The following SH2B3 variants were observed in gnomAD, a reference collection of about 807,000 sequenced individuals.
The protein encoded by SH2B3 is SH2B adaptor protein 3.
Under a neutral mutation model 51.9 loss-of-function variants are expected in SH2B3, and 43 were observed. That is an observed-to-expected ratio of 0.83 (90% CI 0.65 to 1.07). The LOEUF is 1.07. SH2B3 is among the 50% of genes least tolerant of loss of function. The pLI, the probability that SH2B3 is intolerant of heterozygous loss-of-function variation, is 0.00. For missense variants in SH2B3, 952 were observed against 834.3 expected (o/e 1.14, Z -1.74); for synonymous variants, 396 against 376.0 (o/e 1.05, Z -0.62).
rs1272421561 is a variant in SH2B3 at position 111,435,557 on chromosome 12, C to T, written c.733-11196C>T. ...AATTTTTAGTAGAGGCAGGGTTTCA[C>T]CATGTTGGCCAGGCTGGTCTCGAAC... On this transcript the variant is annotated intron_variant, in intron 2 of 7. Coordinates refer to ENST00000341259, the MANE Select transcript of SH2B3 (RefSeq NM_005475.3). This position sits in a 1 kb window ranked among gnomAD's most constrained non-coding sequence, Gnocchi z 4.8. Among the ~76,000 whole-genome samples, 2 of 152,202 alleles carry T rather than the reference C, an allele frequency of 1.3e-5. No individual in the cohort carries two copies. Among genetic ancestry groups the T allele is most frequent in the African/African-American group, 4.8e-5 (2 of 41,456 alleles).
Position 111,429,674 on chromosome 12 carries a change from C to T in SH2B3, c.732+10797C>T, listed in dbSNP as rs1379543622. Among the ~76,000 whole-genome samples, 3 of 152,288 alleles carry T rather than the reference C, an allele frequency of 2.0e-5. No homozygotes were observed. The highest frequency in any genetic ancestry group is 1.9e-4 in the East Asian group (1 of 5,174). On this transcript the variant is annotated intron_variant, in intron 2 of 7. Transcript: ENST00000341259. This position sits in a 1 kb window ranked among gnomAD's most constrained non-coding sequence, Gnocchi z 4.4. ...GTTTTCATGTGACAGGCACTGTGTC[C>T]GCCACATCCCATGGAATCCTTATCA...
intron 2 of SH2B3, among the ~76,000 whole-genome samples, chr12:111,441,936 ATTTT>A (rs111758346): frequency 3.4e-5 from 5 of 146,436 alleles, no homozygotes; most frequent in Admixed American, 2.7e-4. Flanking sequence ...AAGGCAAGGA[ATTTT>A]TTTTTTTTTA....
At chr12:111,411,081 C>A (rs1870659538) in intron 1 of SH2B3, among the ~76,000 whole-genome samples, 1 of 151,932 alleles carries the variant, frequency 6.6e-6, no homozygotes, top group Non-Finnish European at 1.5e-5. Flanking sequence ...GAAATCTTCC[C>A]CAGGCTGGGA....
intron 1 of SH2B3, among the ~76,000 whole-genome samples, chr12:111,408,441 T>G (rs1011226462): frequency 2.1e-5 from 3 of 145,582 alleles, no homozygotes; most frequent in Middle Eastern, 3.5e-3. Context: ...CTGGGCCTGA[T>G]CCTCCTTCTC....
intron 1 of SH2B3, among the ~76,000 whole-genome samples, chr12:111,415,488 G>A (rs1240631806): frequency 2.0e-5 from 3 of 152,162 alleles, no homozygotes; most frequent in Non-Finnish European, 4.4e-5. Flanking sequence ...AGATGGGCAG[G>A]CAAAGGTCTG....
intron 2 of SH2B3, among the ~76,000 whole-genome samples, chr12:111,428,190 C>T (rs558333713): frequency 2.6e-5 from 4 of 152,352 alleles, no homozygotes; most frequent in East Asian, 3.9e-4. Flanking sequence ...GGCTGGCCAG[C>T]GCCCCTCACC....
At chr12:111,430,864 C>T (rs1218783819) in intron 2 of SH2B3, among the ~76,000 whole-genome samples, 2 of 152,158 alleles carry the variant, frequency 1.3e-5, no homozygotes, top group East Asian at 3.9e-4. Context: ...ACAGGTGGGT[C>T]CCCAGGGTCC....
rs1354034877 is a variant in SH2B3 at position 111,429,155 on chromosome 12, C to T, written c.732+10278C>T. 1.3e-5 allele frequency among the ~76,000 whole-genome samples: 2 copies of T among 152,062 alleles called. No individual in the cohort carries two copies. Among genetic ancestry groups the T allele is most frequent in the Non-Finnish European group, 2.9e-5 (2 of 67,994 alleles). Reference sequence around the variant, plus strand: ...TGAGCCTGTGACCCGGGGGAAGGCACTTTGCCCTCCCTGTGCCTCAGTTTA... The same window carrying T: ...TGAGCCTGTGACCCGGGGGAAGGCATTTTGCCCTCCCTGTGCCTCAGTTTA... On this transcript the variant is annotated intron_variant, in intron 2 of 7. Coordinates refer to ENST00000341259, the MANE Select transcript of SH2B3 (RefSeq NM_005475.3). This position sits in a 1 kb window ranked among gnomAD's most constrained non-coding sequence, Gnocchi z 4.4.
In SH2B3 at chr12:111,409,256, A is replaced by G. The variant is rs889066776; in HGVS notation, c.-28+2979A>G. ...CTCTGAGCCACAGGTCTTTTTGTCT[A>G]TGAAATAGGGGGGTTGCCAACTCCC... On this transcript the variant is annotated intron_variant, in intron 1 of 7. Transcript: ENST00000341259. This position sits in a 1 kb window ranked among gnomAD's most constrained non-coding sequence, Gnocchi z 4.0. Among the ~76,000 whole-genome samples, 4 of 152,158 alleles carry G rather than the reference A, an allele frequency of 2.6e-5. No individual in the cohort carries two copies. Among genetic ancestry groups the G allele is most frequent in the Non-Finnish European group, 5.9e-5 (4 of 68,034 alleles).
At chr12:111,420,460 T>C (rs1388385248) in intron 2 of SH2B3, among the ~76,000 whole-genome samples, 1 of 150,570 alleles carries the variant, frequency 6.6e-6, no homozygotes, top group Non-Finnish European at 1.5e-5. Flanking sequence ...TGTGTTCTAC[T>C]CACCTGCCAG....
chr12:111,446,963 A>T lies in SH2B3; in HGVS notation c.856A>T (p.Ile286Phe). The T allele has an allele frequency of 6.2e-7, 1 of 1,613,978 alleles. No homozygotes were observed. Among genetic ancestry groups the T allele is most frequent in the Non-Finnish European group, 8.5e-7 (1 of 1,179,946 alleles). ...CCAGGTGAAGGACCGGACAGACATC[A>T]TCTTTGAGGTGGGAGACGAGCAGCA... ...VLKVKDRTDI[I>F]FEVGDEQQLN... Residue 286 changes from isoleucine (I) to phenylalanine (F), a missense_variant, in exon 4 of 8, where the codon ATC becomes TTC. Physicochemically the swap from Ile to Phe is conservative, Grantham distance 21 (BLOSUM62 0). Transcript: ENST00000341259.
At position 111,418,778 on chromosome 12, in the gene SH2B3, G is replaced by T; in HGVS notation, c.633G>T (p.Met211Ile). The T allele has an allele frequency of 6.8e-7, 1 of 1,473,014 alleles. No homozygotes were observed. Among genetic ancestry groups the T allele is most frequent in the Non-Finnish European group, 8.9e-7 (1 of 1,120,986 alleles). 91.2% of individuals were successfully genotyped at this position (1,473,014 alleles called of 1,614,324 possible). ...LRYSLADEAS[M>I]DSGARWQRGR... Reference sequence around the variant, plus strand: ...ACAGCCTGGCCGACGAGGCCTCCATGGACAGCGGGGCACGCTGGCAGCGCG... The same window carrying T: ...ACAGCCTGGCCGACGAGGCCTCCATTGACAGCGGGGCACGCTGGCAGCGCG... Residue 211 changes from methionine to isoleucine, a missense_variant, in exon 2 of 8, where the codon ATG becomes ATT. By Grantham distance (10) the Met-to-Ile change is conservative. Coordinates refer to ENST00000341259, the MANE Select transcript of SH2B3 (RefSeq NM_005475.3). The surrounding 1 kb of genome is among the most constrained non-coding windows in gnomAD (Gnocchi z 6.7).
intron 2 of SH2B3, among the ~76,000 whole-genome samples, chr12:111,423,271 C>T (rs1366127269): frequency 6.6e-6 from 1 of 151,978 alleles, no homozygotes; most frequent in Non-Finnish European, 1.5e-5. Flanking sequence ...ACGGTTTTCT[C>T]ATCATTTGTT....
At chr12:111,447,249 T>C (rs74163665) in intron 5 of SH2B3, 30 bp downstream of exon 5, 80 of 1,593,912 alleles carry the variant, frequency 5.0e-5, no homozygotes, top group Non-Finnish European at 6.1e-5. Flanking sequence ...GGCCATTGTC[T>C]TCTGGGTACG....
chr12:111,418,162 T>G lies in SH2B3; in HGVS notation c.17T>G (p.Leu6Arg). MNGPA[L>R]QPSSPSSAPS... is the part of the protein sequence containing the mutation. The stretch of plus-strand genomic sequence containing the variant: ...GTCTCCGCCATGAACGGGCCTGCCC[T>G]GCAGCCCTCCTCGCCCTCTTCCGCG... The change falls in exon 2 of 8, where the codon CTG becomes CGG. Residue 6 changes from leucine to arginine, a missense_variant. Coordinates refer to ENST00000341259, the MANE Select transcript of SH2B3 (RefSeq NM_005475.3). The surrounding 1 kb of genome is among the most constrained non-coding windows in gnomAD (Gnocchi z 6.7). 1 of 1,535,276 alleles carries G rather than the reference T, an allele frequency of 6.5e-7. No homozygotes were observed.
At chr12:111,416,481 G>GTT (rs11323611) in intron 1 of SH2B3, among the ~76,000 whole-genome samples, 22 of 149,184 alleles carry the variant, frequency 1.5e-4, no homozygotes, top group African/African-American at 5.1e-4. Context: ...GTTGTTGCTG[G>GTT]TTTTTTTTTT....
At chr12:111,432,201 G>T (rs1259219396) in intron 2 of SH2B3, among the ~76,000 whole-genome samples, 3 of 150,436 alleles carry the variant, frequency 2.0e-5, no homozygotes, top group Admixed American at 1.3e-4. Context: ...ACAGGCATGT[G>T]CCACCACGCC....
chr12:111,436,875 C>T (rs1872922849), intron 2 of SH2B3, among the ~76,000 whole-genome samples: 1 of 152,044 alleles, frequency 6.6e-6, no homozygotes, highest in Middle Eastern at 3.2e-3. Flanking sequence ...CTGTCTGTCC[C>T]AGCATCTCTG....
At chr12:111,412,782 C>T (rs1870800651) in intron 1 of SH2B3, among the ~76,000 whole-genome samples, 1 of 152,020 alleles carries the variant, frequency 6.6e-6, no homozygotes, top group Non-Finnish European at 1.5e-5. Context: ...TGTTGCCCAG[C>T]TTGGTCTCGA....
Sources: allele counts gnomAD v4.1 joint callset (sites outside exome capture counted in the v4.1 genomes callset), GRCh38; gene constraint gnomAD v4.1.1; non-coding constraint Gnocchi (gnomAD v3.1); transcripts MANE v1.5; gene names NCBI Gene and HGNC (gene_info 2026-07-23, HGNC 2026-07-21).